The following LRBA variants were observed in gnomAD, a reference collection of about 807,000 sequenced individuals.
LRBA encodes lipopolysaccharide-responsive and beige-like anchor protein.
In LRBA, 176 loss-of-function variants were observed where a neutral mutation model predicts 330.0. That is an observed-to-expected ratio of 0.53 (90% CI 0.47 to 0.60). The LOEUF (loss-of-function observed/expected upper bound fraction) is 0.60, where lower values mean the gene tolerates loss of function less well. Ranked by LOEUF, LRBA falls within the 20% of genes least tolerant of loss-of-function variation. The pLI, the probability that LRBA is intolerant of heterozygous loss-of-function variation, is 0.00. For synonymous variants in LRBA, 1,230 were observed against 1,193.0 expected (o/e 1.03, Z -0.64); for missense variants, 3,259 against 3,444.8 (o/e 0.95, Z 1.35).
At chr4:150,786,725 T>A (rs142869807) in intron 34 of LRBA, among the ~76,000 whole-genome samples, 85 of 152,330 alleles carry the variant, frequency 5.6e-4, no homozygotes, top group Non-Finnish European at 9.6e-4. Context: ...TAAAAAACCC[T>A]AGTCTCCAAA....
intron 30 of LRBA, among the ~76,000 whole-genome samples, chr4:150,822,070 C>G (rs1336277376): frequency 6.6e-6 from 1 of 151,224 alleles, no homozygotes; most frequent in Non-Finnish European, 1.5e-5. Context: ...AAAGTTTTTA[C>G]AAAGGGGTCT....
intron 40 of LRBA, among the ~76,000 whole-genome samples, chr4:150,515,308 T>A (rs1226454122): frequency 6.6e-6 from 1 of 152,092 alleles, no homozygotes; most frequent in Non-Finnish European, 1.5e-5. Flanking sequence ...AAGGAAAACA[T>A]TGCATCATCA....
intron 42 of LRBA, among the ~76,000 whole-genome samples, chr4:150,478,478 AC>A (rs1756954575): frequency 6.6e-6 from 1 of 151,880 alleles, no homozygotes; most frequent in Non-Finnish European, 1.5e-5. Flanking sequence ...CCTTGTCATC[AC>A]CCCCCAAATC....
chr4:150,639,798 T>C (rs1417108040), intron 37 of LRBA, among the ~76,000 whole-genome samples: 6 of 4,610 alleles, frequency 1.3e-3, no homozygotes, highest in Admixed American at 3.1e-3. Context: ...TGTGTATATA[T>C]ATATATATGT....
chr4:150,274,357 G>A (rs1158880938), intron 56 of LRBA, among the ~76,000 whole-genome samples: 1 of 152,090 alleles, frequency 6.6e-6, no homozygotes, highest in Non-Finnish European at 1.5e-5. Flanking sequence ...GAGAAAGCAG[G>A]AAAGATTTAA....
intron 40 of LRBA, among the ~76,000 whole-genome samples, chr4:150,575,520 G>C (rs1581716658): frequency 6.6e-6 from 1 of 151,832 alleles, no homozygotes. Flanking sequence ...AAAATGGCTA[G>C]TGCTCCTAAA....
intron 34 of LRBA, among the ~76,000 whole-genome samples, chr4:150,790,798 T>C (rs925567192): frequency 4.6e-5 from 7 of 152,196 alleles, no homozygotes; most frequent in African/African-American, 1.7e-4. Context: ...TCTGAGCATT[T>C]CAGCAAAGAA....
chr4:150,534,503 G>C (rs947508177), intron 40 of LRBA, among the ~76,000 whole-genome samples: 1 of 151,614 alleles, frequency 6.6e-6, no homozygotes, highest in African/African-American at 2.4e-5. Context: ...GTCATGTTAG[G>C]CATGAATTAC....
intron 42 of LRBA, among the ~76,000 whole-genome samples, chr4:150,472,048 A>T (rs1222797789): frequency 3.3e-5 from 5 of 152,010 alleles, no homozygotes; most frequent in African/African-American, 1.2e-4. Flanking sequence ...ATGATATAAA[A>T]AGAAGAAATT....
chr4:150,406,368 T>C (rs1411797961), intron 47 of LRBA, among the ~76,000 whole-genome samples: 4 of 152,146 alleles, frequency 2.6e-5, no homozygotes, highest in Non-Finnish European at 5.9e-5. Context: ...ATAATAACAT[T>C]AAATGTGAAT....
intron 37 of LRBA, among the ~76,000 whole-genome samples, chr4:150,628,993 G>A (rs1777114132): frequency 6.6e-6 from 1 of 152,112 alleles, no homozygotes; most frequent in Non-Finnish European, 1.5e-5. Context: ...AAACTCTTGG[G>A]CTCAAATGAT....
chr4:150,893,472 C>G (rs1200347535), intron 16 of LRBA, among the ~76,000 whole-genome samples: 2 of 152,056 alleles, frequency 1.3e-5, no homozygotes, highest in African/African-American at 2.4e-5. Context: ...TGCATAGCCT[C>G]CCTAGTAGCT....
intron 37 of LRBA, among the ~76,000 whole-genome samples, chr4:150,649,870 G>C (rs1309975521): frequency 6.6e-6 from 1 of 152,034 alleles, no homozygotes; most frequent in East Asian, 1.9e-4. Context: ...CATTCAAAAT[G>C]TTTACAAATA....
rs34560876 is a variant in LRBA, at chr4:150,271,313, G to GTT, written c.8469-5503_8469-5502dup. 7.4e-3 allele frequency among the ~76,000 whole-genome samples: 1,064 copies of GTT among 144,174 alleles called. 4 individuals are homozygous for GTT. The highest frequency in any genetic ancestry group is 9.0e-3 in the Non-Finnish European group (592 of 65,896). The allele number at this position is 144,174 out of a possible 152,430, so 94.6% of individuals were successfully genotyped here. ...GGTAGACACTGAGCTAGCTGCAGGA[G>GTT]TTTTTTTTTTTTTTTCATACCCCAG... On this transcript the variant is annotated intron_variant, in intron 56 of 56. Coordinates refer to ENST00000651943, the MANE Select transcript of LRBA (RefSeq NM_001364905.1).
intron 46 of LRBA, chr4:150,422,980 TC>T: frequency 1.3e-6 from 1 of 781,440 alleles, no homozygotes; most frequent in Non-Finnish European, 2.4e-6. Flanking sequence ...GTATTTCTGG[TC>T]CAATGGTGTA....
At chr4:150,845,004 G>A (rs1749646872) in intron 26 of LRBA, among the ~76,000 whole-genome samples, 1 of 152,166 alleles carries the variant, frequency 6.6e-6, no homozygotes, top group African/African-American at 2.4e-5. Context: ...AGGCAGTATG[G>A]CCTAGTGGTC....
intron 14 of LRBA, among the ~76,000 whole-genome samples, chr4:150,898,711 G>T (rs1029280878): frequency 6.6e-6 from 1 of 152,042 alleles, no homozygotes; most frequent in Non-Finnish European, 1.5e-5. Flanking sequence ...CTCATTTGAA[G>T]AATGAGACTT....
At position 150,828,381 on chromosome 4, in the gene LRBA, T is replaced by A. The variant is rs1191459379; in HGVS notation, c.4970A>T (p.Asp1657Val). 6 of 1,614,096 alleles carry A rather than the reference T, an allele frequency of 3.7e-6. No individual in the cohort carries two copies. The East Asian group carries it at 1.3e-4, about 36-fold the overall frequency. Residue 1657 changes from aspartate (D) to valine (V), a missense_variant, in exon 30 of 57, where the codon GAT becomes GTT. By Grantham distance (152) the Asp-to-Val change is radical (BLOSUM62 -3). Coordinates refer to ENST00000651943, the MANE Select transcript of LRBA (RefSeq NM_001364905.1). Reference protein sequence around the residue: ...EVNKSPETKNDRGNDLDTKAT... With the variant: ...EVNKSPETKNVRGNDLDTKAT... ...CTTAGTGTCCAAGTCATTTCCTCTA[T>A]CATTTTTGGTTTCCGGAGACTTATT...
chr4:150,992,890 A>T (rs1309823397), intron 2 of LRBA, among the ~76,000 whole-genome samples: 2 of 152,202 alleles, frequency 1.3e-5, no homozygotes, highest in Non-Finnish European at 2.9e-5. Context: ...TATCTACTTG[A>T]ACTATTTTAT....
Sources: allele counts gnomAD v4.1 joint callset (sites outside exome capture counted in the v4.1 genomes callset), GRCh38; gene constraint gnomAD v4.1.1; transcripts MANE v1.5; gene names NCBI Gene and HGNC (gene_info 2026-07-23, HGNC 2026-07-21).